Variants in PTPRD observed in about 807,000 individuals in gnomAD.
PTPRD encodes protein tyrosine phosphatase receptor type D.
PTPRD carries 34 observed loss-of-function variants against 214.5 expected under a neutral mutation model. The ratio of observed to expected loss-of-function variants is 0.16; its 90% CI spans 0.12 to 0.21. The LOEUF is 0.21. PTPRD is among the 10% of genes least tolerant of loss of function. PTPRD has a pLI of 1.00. For missense variants in PTPRD, 2,545 were observed against 2,398.7 expected, an observed-to-expected ratio of 1.06 and a Z score of -1.27; for synonymous variants, 1,128 against 845.7, an observed-to-expected ratio of 1.33 and a Z score of -5.79.
intron 9 of PTPRD, among the ~76,000 whole-genome samples, chr9:9,250,747 C>T (rs898750498): frequency 4.0e-5 from 6 of 151,758 alleles, no homozygotes; most frequent in African/African-American, 1.5e-4. Context: ...AAAAACCAAA[C>T]CAAAACCAAA....
At chr9:10,071,608 T>C (rs867715494) in intron 3 of PTPRD, among the ~76,000 whole-genome samples, 1 of 152,096 alleles carries the variant, frequency 6.6e-6, no homozygotes, top group East Asian at 1.9e-4. Flanking sequence ...ATAACTTTTA[T>C]AACTCAAAAC....
At chr9:10,545,773 G>T (rs75884320) in intron 2 of PTPRD, among the ~76,000 whole-genome samples, 4,958 of 152,136 alleles carry the variant, frequency 0.033, 242 homozygotes, top group African/African-American at 0.11. Flanking sequence ...CTTTCTTATT[G>T]CTAGACAATA....
intron 4 of PTPRD, among the ~76,000 whole-genome samples, chr9:9,945,688 G>A (rs192799178): frequency 6.6e-6 from 1 of 152,192 alleles, no homozygotes; most frequent in Non-Finnish European, 1.5e-5. Context: ...TAATTTAAGA[G>A]GGGAGAAATT....
intron 2 of PTPRD, among the ~76,000 whole-genome samples, chr9:10,505,980 G>T (rs2045821890): frequency 1.3e-5 from 2 of 152,078 alleles, no homozygotes; most frequent in African/African-American, 2.4e-5. Context: ...AGGTATGTCA[G>T]CTATAATGAT....
At chr9:9,345,864 C>A (rs988056287) in intron 9 of PTPRD, among the ~76,000 whole-genome samples, 12 of 152,118 alleles carry the variant, frequency 7.9e-5, no homozygotes, top group African/African-American at 2.9e-4. Context: ...CATAAAGTGC[C>A]TGGTACATAA....
At chr9:8,739,773 G>A (rs1598415734) in intron 11 of PTPRD, among the ~76,000 whole-genome samples, 1 of 152,238 alleles carries the variant, frequency 6.6e-6, no homozygotes, top group African/African-American at 2.4e-5. Context: ...GTTATGGGAG[G>A]GACCCAGTGG....
intron 3 of PTPRD, among the ~76,000 whole-genome samples, chr9:10,230,073 A>C (rs2154355340): frequency 6.6e-6 from 1 of 152,144 alleles, no homozygotes; most frequent in South Asian, 2.1e-4. Flanking sequence ...CTGGTGCATT[A>C]GTCAGAGACC....
At chr9:8,512,977 T>C (rs1415579563) in intron 21 of PTPRD, among the ~76,000 whole-genome samples, 3 of 152,002 alleles carry the variant, frequency 2.0e-5, no homozygotes, top group Non-Finnish European at 2.9e-5. Flanking sequence ...AAGAAAACTA[T>C]AGGAGGTCCT....
chr9:9,458,839 T>C (rs143247838), intron 8 of PTPRD, among the ~76,000 whole-genome samples: 1,844 of 151,880 alleles, frequency 0.012, 29 homozygotes, highest in African/African-American at 0.042. Context: ...ACTTGGGAGG[T>C]TGAAGTGGAA....
At chr9:8,961,584 G>C (rs1055409556) in intron 11 of PTPRD, among the ~76,000 whole-genome samples, 4 of 152,098 alleles carry the variant, frequency 2.6e-5, no homozygotes, top group Non-Finnish European at 4.4e-5. Context: ...CAGTTCTTCT[G>C]CATCAAGGTT....
chr9:9,877,152 A>T (rs890974260), intron 5 of PTPRD, among the ~76,000 whole-genome samples: 2 of 152,170 alleles, frequency 1.3e-5, no homozygotes, highest in Non-Finnish European at 2.9e-5. Context: ...AATTCTTGGG[A>T]TATAGTGGTA....
intron 34 of PTPRD, 72 bp from the exon 35 acceptor site, chr9:8,436,761 A>T: frequency 8.6e-7 from 1 of 1,162,120 alleles, no homozygotes; most frequent in South Asian, 1.3e-5. Context: ...CAAAATATAG[A>T]GAATACTATA....
At chr9:10,073,733 A>C (rs2098079479) in intron 3 of PTPRD, among the ~76,000 whole-genome samples, 1 of 152,070 alleles carries the variant, frequency 6.6e-6, no homozygotes, top group South Asian at 2.1e-4. Flanking sequence ...GACATGTGCC[A>C]ATAGTTGAGG....
intron 10 of PTPRD, among the ~76,000 whole-genome samples, chr9:9,097,784 A>C (rs1382868937): frequency 6.6e-6 from 1 of 151,196 alleles, no homozygotes; most frequent in Non-Finnish European, 1.5e-5. Context: ...TGTGAGCAGA[A>C]GACCTGTCTT....
chr9:10,479,822 G>C (rs1370164980), intron 2 of PTPRD, among the ~76,000 whole-genome samples: 1 of 151,868 alleles, frequency 6.6e-6, no homozygotes, highest in Non-Finnish European at 1.5e-5. Flanking sequence ...TCCCATCTTA[G>C]AAAAAGAACA....
At position 10,503,083 on chromosome 9, in the gene PTPRD, G is replaced by A. The variant is rs987306644; in HGVS notation, c.-600+109315C>T. 6.7e-5 allele frequency among the ~76,000 whole-genome samples: 10 copies of A among 149,660 alleles called. No homozygotes were observed. In the South Asian group the frequency reaches 1.5e-3, roughly 22 times the overall value. On this transcript the variant is annotated intron_variant, in intron 2 of 45. Transcript: ENST00000381196. Reference sequence around the variant, plus strand: ...TTTTGAACTATGGTTACCACAACTCGGTCCAATACTCCCATTTTTGTCTCT... The same window carrying A: ...TTTTGAACTATGGTTACCACAACTCAGTCCAATACTCCCATTTTTGTCTCT...
At chr9:10,129,125 G>C (rs757621022) in intron 3 of PTPRD, among the ~76,000 whole-genome samples, 37 of 152,092 alleles carry the variant, frequency 2.4e-4, no homozygotes, top group Non-Finnish European at 5.4e-4. Context: ...GAAAGAAAGC[G>C]ATTGGACCTT....
chr9:10,390,900 G>C (rs975240059), intron 2 of PTPRD, among the ~76,000 whole-genome samples: 2 of 151,750 alleles, frequency 1.3e-5, no homozygotes, highest in African/African-American at 4.8e-5. Context: ...ATTTCCCAAA[G>C]CATTATAAAA....
chr9:8,481,261 A>C (rs1401819804), intron 30 of PTPRD, among the ~76,000 whole-genome samples: 2 of 151,566 alleles, frequency 1.3e-5, no homozygotes, highest in African/African-American at 2.4e-5. Context: ...TTTTAGTAAT[A>C]ATCTTTCAGA....
Sources: gnomAD v4.1 joint callset for allele counts (sites outside exome capture counted in the v4.1 genomes callset) on GRCh38, gnomAD v4.1.1 for gene constraint, MANE v1.5 for transcripts, NCBI Gene and HGNC (gene_info 2026-07-23, HGNC 2026-07-21) for gene names.